CRYBG1: variants seen among roughly 807,000 people sequenced by gnomAD.
The protein encoded by CRYBG1 is beta/gamma crystallin domain-containing protein 1.
Under a neutral mutation model 189.2 loss-of-function variants are expected in CRYBG1, and 139 were observed. The observed-to-expected ratio is 0.73, with a 90% CI of 0.64 to 0.85. CRYBG1 has a LOEUF of 0.85. Among genes scored for constraint, CRYBG1 ranks in the 40% least tolerant of loss-of-function variants. CRYBG1 has a pLI of 0.00. For synonymous variants in CRYBG1, 1,023 were observed against 1,017.1 expected, an observed-to-expected ratio of 1.01 and a Z score of -0.11; for missense variants, 2,611 against 2,675.8, an observed-to-expected ratio of 0.98 and a Z score of 0.53.
rs569489228 is a variant in CRYBG1 at position 106,398,250 on chromosome 6, C to A, written c.173+37169C>A. ...AGCAAACCGGCCAGGTACGTTGGCT[C>A]ACGCCTGTAATCCCAGCACATTAGG... On this transcript the variant is annotated intron_variant, in intron 1 of 21. Coordinates refer to ENST00000633556, the MANE Select transcript of CRYBG1 (RefSeq NM_001371242.2). 6.6e-5 allele frequency among the ~76,000 whole-genome samples: 10 copies of A among 152,130 alleles called. No homozygotes were observed. The South Asian group carries it at 2.1e-3, about 32-fold the overall frequency.
chr6:106,560,087 T>C (rs1253380436), intron 18 of CRYBG1, among the ~76,000 whole-genome samples: 1 of 152,114 alleles, frequency 6.6e-6, no homozygotes, highest in Non-Finnish European at 1.5e-5. Flanking sequence ...GAGTGAGACC[T>C]ACCTGGAAAA....
chr6:106,456,062 T>G (rs1771882206), intron 2 of CRYBG1, among the ~76,000 whole-genome samples: 1 of 152,272 alleles, frequency 6.6e-6, no homozygotes, highest in Non-Finnish European at 1.5e-5. Flanking sequence ...CTCTTGAGAT[T>G]GTGATGCTCC....
chr6:106,558,525 G>T lies in CRYBG1; in HGVS notation c.5755G>T (p.Asp1919Tyr), dbSNP rs2114594521. The T allele has an allele frequency of 6.2e-7, 1 of 1,607,700 alleles. No homozygotes were observed. Among genetic ancestry groups the T allele is most frequent in the East Asian group, 2.2e-5 (1 of 44,730 alleles). Residue 1919 changes from aspartate (D) to tyrosine (Y), a missense_variant, in exon 18 of 22, where the codon GAC (aspartate) becomes TAC (tyrosine). Transcript: ENST00000633556. Reference protein sequence around the residue: ...EPTIILFEREDFKGKKIELNA... With the variant: ...EPTIILFEREYFKGKKIELNA... ...AACAATTATTCTCTTTGAAAGAGAA[G>T]ACTTCAAAGGAAAAAAGATTGAACT... is the stretch of plus-strand genomic sequence containing the variant.
intron 3 of CRYBG1, among the ~76,000 whole-genome samples, chr6:106,517,150 A>G (rs1452992539): frequency 1.3e-5 from 2 of 150,920 alleles, no homozygotes; most frequent in Non-Finnish European, 2.9e-5. Flanking sequence ...CTGGGACTAC[A>G]GGCACGCACC....
At position 106,555,895 on chromosome 6, in the gene CRYBG1, G is replaced by C; in HGVS notation, c.5713G>C (p.Val1905Leu). 2 of 1,614,154 alleles carry C rather than the reference G, an allele frequency of 1.2e-6. No homozygotes were observed. The highest frequency in any genetic ancestry group is 1.7e-6 in the Non-Finnish European group (2 of 1,180,000). ...TTTCAAGTCTCTTCGTTTTATAGAT[G>C]TTGTAAGTATGTCATTGTGAATAGT... is the stretch of plus-strand genomic sequence containing the variant. ...ATFKSLRFIDVEFSEPTIILF... is the reference protein window; with the variant it reads ...ATFKSLRFIDLEFSEPTIILF... The change falls in exon 17 of 22, where the codon GTT becomes CTT. Residue 1905 changes from valine to leucine, a missense_variant and splice_region_variant. Coordinates refer to ENST00000633556, the MANE Select transcript of CRYBG1 (RefSeq NM_001371242.2).
chr6:106,437,323 A>G (rs534198619), intron 1 of CRYBG1, among the ~76,000 whole-genome samples: 5 of 151,982 alleles, frequency 3.3e-5, no homozygotes, highest in East Asian at 1.9e-4. Context: ...ATCATCAGGT[A>G]TATTTGCTGA....
At position 106,436,908 on chromosome 6, in the gene CRYBG1, A is replaced by C. The variant is rs1771471476; in HGVS notation, c.174-14786A>C. Among the ~76,000 whole-genome samples the C allele has an allele frequency of 2.0e-5, 3 of 150,162 alleles. No homozygotes were observed. The South Asian group carries it at 6.4e-4, about 32-fold the overall frequency. ...CTAAAAGACTGTAGCAATTAATATA[A>C]CCCCCCCCACCCCCGAGTAGTATGT... On this transcript the variant is annotated intron_variant, in intron 1 of 21. Coordinates refer to ENST00000633556, the MANE Select transcript of CRYBG1 (RefSeq NM_001371242.2).
At chr6:106,424,470 T>TC (rs1456437886) in intron 1 of CRYBG1, among the ~76,000 whole-genome samples, 1 of 151,978 alleles carries the variant, frequency 6.6e-6, no homozygotes, top group East Asian at 1.9e-4. Flanking sequence ...ACCCACCACC[T>TC]CTTTTTTTTA....
intron 1 of CRYBG1, among the ~76,000 whole-genome samples, chr6:106,434,121 G>C (rs1771405947): frequency 6.6e-6 from 1 of 150,896 alleles, no homozygotes; most frequent in Non-Finnish European, 1.5e-5. Context: ...CTATTGGCTG[G>C]AGGCCCAGAG....
At position 106,361,053 on chromosome 6, in the gene CRYBG1, C is replaced by A. The variant is rs1041046334; in HGVS notation, c.145C>A (p.Pro49Thr). 61 of 1,534,748 alleles carry A rather than the reference C, an allele frequency of 4.0e-5. No individual in the cohort carries two copies. The highest frequency in any genetic ancestry group is 5.0e-5 in the Non-Finnish European group (57 of 1,146,506). ...PPDCGVFVPHPLPAPAGEARA... is the reference protein window; with the variant it reads ...PPDCGVFVPHTLPAPAGEARA... ...TGACTGTGGGGTGTTCGTTCCGCAC[C>A]CGCTCCCGGCGCCTGCCGGAGAGGC... is the stretch of plus-strand genomic sequence containing the variant. The change falls in exon 1 of 22, where the codon CCG becomes ACG. Residue 49 changes from proline to threonine, a missense_variant. Transcript: ENST00000633556.
intron 1 of CRYBG1, among the ~76,000 whole-genome samples, chr6:106,383,637 A>C (rs927340586): frequency 1.1e-4 from 16 of 152,242 alleles, no homozygotes; most frequent in African/African-American, 3.9e-4. Context: ...CAAAACAGAC[A>C]AAAAGTGCTG....
At chr6:106,475,543 C>G (rs1054273697) in intron 2 of CRYBG1, among the ~76,000 whole-genome samples, 1 of 152,108 alleles carries the variant, frequency 6.6e-6, no homozygotes, top group Non-Finnish European at 1.5e-5. Context: ...AAGAGACAGG[C>G]AAGCACTACG....
chr6:106,451,492 AG>A, intron 1 of CRYBG1: 1 of 416,808 alleles, frequency 2.4e-6, no homozygotes, highest in South Asian at 6.1e-5. Context: ...AGTTAGGCAC[AG>A]GGTGAAGTCA....
At chr6:106,404,472 A>G (rs939108625) in intron 1 of CRYBG1, among the ~76,000 whole-genome samples, 2 of 152,186 alleles carry the variant, frequency 1.3e-5, no homozygotes, top group Non-Finnish European at 2.9e-5. Context: ...ATAATATTTC[A>G]TTTGTTTCAT....
chr6:106,563,317 T>C (rs2114600767), intron 20 of CRYBG1, among the ~76,000 whole-genome samples: 1 of 152,266 alleles, frequency 6.6e-6, no homozygotes, highest in East Asian at 1.9e-4. Context: ...AGTTTTAAAA[T>C]GATAAAATGC....
rs141777929 is a variant in CRYBG1, at chr6:106,410,999, C to T, written c.174-40695C>T. On this transcript the variant is annotated intron_variant, in intron 1 of 21. Transcript: ENST00000633556. Reference sequence around the variant, plus strand: ...CACGTTCTGCACATGTATCCCAGAACCTAAAGTATAATAATTTAAAAAAAG... The same window carrying T: ...CACGTTCTGCACATGTATCCCAGAATCTAAAGTATAATAATTTAAAAAAAG... Among the ~76,000 whole-genome samples, 641 of 151,846 alleles carry T rather than the reference C, an allele frequency of 4.2e-3. 4 individuals carry two copies. Among genetic ancestry groups the T allele is most frequent in the Middle Eastern group, 0.014 (4 of 294 alleles).
chr6:106,461,923 T>C (rs1206595012), intron 2 of CRYBG1, among the ~76,000 whole-genome samples: 15 of 152,178 alleles, frequency 9.9e-5, no homozygotes, highest in Non-Finnish European at 2.2e-4. Context: ...AAACAGGTAC[T>C]ATGACCGGGA....
chr6:106,377,890 T>C (rs1398120884), intron 1 of CRYBG1, among the ~76,000 whole-genome samples: 2 of 152,116 alleles, frequency 1.3e-5, no homozygotes, highest in Non-Finnish European at 2.9e-5. Context: ...AATTTATTGG[T>C]ATAGAAATGA....
In CRYBG1 at chr6:106,511,734, C is replaced by T; in HGVS notation, c.617C>T (p.Pro206Leu). The T allele has an allele frequency of 6.5e-7, 1 of 1,535,314 alleles. No individual in the cohort carries two copies. Among genetic ancestry groups the T allele is most frequent in the African/African-American group, 1.4e-5 (1 of 73,028 alleles). ...CCCGAGAGCGGTGGCCCCGCAGCCC[C>T]CCCTGACGCCGAGCTGTCACCTCGC... ...ELPESGGPAAPPDAELSPRWS... is the reference protein window; with the variant it reads ...ELPESGGPAALPDAELSPRWS... The change falls in exon 3 of 22, where the codon CCC becomes CTC. Residue 206 changes from proline to leucine, a missense_variant. By Grantham distance (98) the Pro-to-Leu change is moderately conservative. Coordinates refer to ENST00000633556, the MANE Select transcript of CRYBG1 (RefSeq NM_001371242.2).
Sources: allele counts gnomAD v4.1 joint callset (sites outside exome capture counted in the v4.1 genomes callset), GRCh38; gene constraint gnomAD v4.1.1; transcripts MANE v1.5; gene names NCBI Gene and HGNC (gene_info 2026-07-23, HGNC 2026-07-21).